BABAM2: variants seen among roughly 807,000 people sequenced by gnomAD.
BABAM2 encodes BRISC and BRCA1-A complex member 2.
BABAM2 carries 31 observed loss-of-function variants against 54.7 expected under a neutral mutation model. The ratio of observed to expected loss-of-function variants is 0.57; its 90% CI spans 0.43 to 0.77. The LOEUF (loss-of-function observed/expected upper bound fraction) is 0.77. Ranked by LOEUF, BABAM2 falls within the 30% of genes least tolerant of loss-of-function variation. The pLI is 0.00. For synonymous variants in BABAM2, 167 were observed against 162.9 expected, an observed-to-expected ratio of 1.03 and a Z score of -0.19; for missense variants, 364 against 455.8, an observed-to-expected ratio of 0.80 and a Z score of 1.83.
chr2:28,254,401 T>C (rs1291541474), intron 10 of BABAM2, among the ~76,000 whole-genome samples: 2 of 152,162 alleles, frequency 1.3e-5, no homozygotes, highest in Non-Finnish European at 2.9e-5. Context: ...TCTCCCAAAG[T>C]GCTGGGATTA....
At chr2:28,048,837 CT>C (rs1354973719) in intron 6 of BABAM2, among the ~76,000 whole-genome samples, 1 of 152,208 alleles carries the variant, frequency 6.6e-6, no homozygotes, top group Non-Finnish European at 1.5e-5. Context: ...CATACTTTCT[CT>C]TAACGAACAG....
intron 10 of BABAM2, among the ~76,000 whole-genome samples, chr2:28,289,059 C>T (rs1687062943): frequency 6.7e-6 from 1 of 150,268 alleles, no homozygotes; most frequent in Admixed American, 6.7e-5. Context: ...TCTGTTTATA[C>T]ACACGCGCAC....
At chr2:28,204,619 TCACTC>T (rs1328124843) in intron 7 of BABAM2, among the ~76,000 whole-genome samples, 1 of 152,194 alleles carries the variant, frequency 6.6e-6, no homozygotes, top group African/African-American at 2.4e-5. Context: ...GCCTGAAGTT[TCACTC>T]GGTGGGAAAT....
At chr2:28,050,334 C>T (rs959690000) in intron 6 of BABAM2, among the ~76,000 whole-genome samples, 1 of 152,208 alleles carries the variant, frequency 6.6e-6, no homozygotes, top group Non-Finnish European at 1.5e-5. Flanking sequence ...TAAAACCTAA[C>T]TGTCTTGTAC....
At chr2:27,899,727 A>G (rs1352206015) in intron 2 of BABAM2, among the ~76,000 whole-genome samples, 2 of 152,160 alleles carry the variant, frequency 1.3e-5, no homozygotes, top group Non-Finnish European at 2.9e-5. Context: ...TTGGCCTCCC[A>G]AAGTGCTGGG....
intron 7 of BABAM2, among the ~76,000 whole-genome samples, chr2:28,217,909 G>A (rs1467291029): frequency 1.3e-5 from 2 of 152,094 alleles, no homozygotes; most frequent in Non-Finnish European, 2.9e-5. Context: ...AAAATTCTCT[G>A]TATCATATAA....
chr2:28,217,400 A>T (rs1680015055), intron 7 of BABAM2, among the ~76,000 whole-genome samples: 1 of 152,256 alleles, frequency 6.6e-6, no homozygotes. Context: ...AGTTTGTTCA[A>T]CAAGAGCATT....
At chr2:28,301,996 G>T (rs984172988) in intron 11 of BABAM2, among the ~76,000 whole-genome samples, 5 of 152,056 alleles carry the variant, frequency 3.3e-5, no homozygotes, top group South Asian at 2.1e-4. Flanking sequence ...GGCAACTATT[G>T]TTCTGTATCA....
chr2:27,985,202 C>CT (rs1389768928), intron 3 of BABAM2, among the ~76,000 whole-genome samples: 1 of 151,800 alleles, frequency 6.6e-6, no homozygotes, highest in Non-Finnish European at 1.5e-5. Context: ...GTGCAAGTAT[C>CT]TTTTTTGTAT....
At chr2:28,006,634 A>G (rs1211793743) in intron 4 of BABAM2, among the ~76,000 whole-genome samples, 11 of 152,058 alleles carry the variant, frequency 7.2e-5, no homozygotes, top group Non-Finnish European at 1.5e-4. Flanking sequence ...AAAAGTGGCT[A>G]TCTGTTCTTA....
chr2:27,940,095 C>G (rs1668765731), intron 3 of BABAM2, among the ~76,000 whole-genome samples: 1 of 152,168 alleles, frequency 6.6e-6, no homozygotes, highest in Non-Finnish European at 1.5e-5. Context: ...AGACACAACT[C>G]CTCCTGCAAC....
chr2:28,272,909 G>T (rs537781812), intron 10 of BABAM2, among the ~76,000 whole-genome samples: 3 of 152,308 alleles, frequency 2.0e-5, no homozygotes, highest in African/African-American at 7.2e-5. Flanking sequence ...AGGGATACAG[G>T]TTTGGGAAAT....
chr2:28,060,749 G>A (rs932977023), intron 6 of BABAM2, among the ~76,000 whole-genome samples: 2 of 152,158 alleles, frequency 1.3e-5, no homozygotes, highest in East Asian at 3.9e-4. Flanking sequence ...CAAAATTATG[G>A]AATATTTAGA....
rs535915458 is a variant in BABAM2 at position 28,211,975 on chromosome 2, AT to A, written c.681-25218del. Among the ~76,000 whole-genome samples the A allele has an allele frequency of 4.3e-4, 65 of 151,560 alleles. 1 individual carries two copies. The South Asian group carries it at 0.014, about 32-fold the overall frequency. On this transcript the variant is annotated intron_variant, in intron 7 of 11. Transcript: ENST00000379624. ...GGATTCAAATAGTCTATAGCATTAG[AT>A]TTTTTTTTCCCATAAGTCTCTTAAT...
chr2:28,008,975 T>C (rs1479006175), intron 4 of BABAM2, among the ~76,000 whole-genome samples: 1 of 152,192 alleles, frequency 6.6e-6, no homozygotes, highest in Non-Finnish European at 1.5e-5. Context: ...TGTAACTTCC[T>C]GGGATACGTG....
intron 4 of BABAM2, chr2:28,015,987 A>T (rs745916034): frequency 1.2e-5 from 7 of 591,390 alleles, no homozygotes; most frequent in Admixed American, 2.5e-5. Context: ...TTTCTTTCTC[A>T]GTTGCATCTT....
At chr2:27,893,669 C>T (rs1408045701) in intron 1 of BABAM2, among the ~76,000 whole-genome samples, 2 of 152,168 alleles carry the variant, frequency 1.3e-5, no homozygotes, top group African/African-American at 4.8e-5. Context: ...GGTAGTTATA[C>T]TACACTGTGG....
chr2:28,079,633 GT>G (rs1216248736), intron 6 of BABAM2, among the ~76,000 whole-genome samples: 1 of 152,058 alleles, frequency 6.6e-6, no homozygotes, highest in Non-Finnish European at 1.5e-5. Context: ...TAGGCCTTTG[GT>G]CAGGTACCTT....
intron 3 of BABAM2, among the ~76,000 whole-genome samples, chr2:27,984,072 A>C (rs1383759177): frequency 6.7e-6 from 1 of 149,178 alleles, no homozygotes; most frequent in East Asian, 2.0e-4. Context: ...AATATTTATT[A>C]CTAGCAGTGT....
Sources: gnomAD v4.1 joint callset for allele counts (sites outside exome capture counted in the v4.1 genomes callset) on GRCh38, gnomAD v4.1.1 for gene constraint, MANE v1.5 for transcripts, NCBI Gene and HGNC (gene_info 2026-07-23, HGNC 2026-07-21) for gene names.